The following LMTK2 variants were observed in gnomAD, a reference collection of about 807,000 sequenced individuals.
LMTK2 encodes the protein serine/threonine-protein kinase LMTK2.
In LMTK2, 37 loss-of-function variants were observed where a neutral mutation model predicts 127.5. The observed-to-expected ratio is 0.29, with a 90% CI of 0.22 to 0.38. LMTK2 has a LOEUF of 0.38. Among genes scored for constraint, LMTK2 ranks in the 10% least tolerant of loss-of-function variants. The probability of loss-of-function intolerance (pLI) is 1.00; values close to 1 mark genes in which losing one functional copy is unlikely to be tolerated. For synonymous variants in LMTK2, 819 were observed against 810.1 expected, an observed-to-expected ratio of 1.01 and a Z score of -0.19; for missense variants, 1,694 against 1,920.3, an observed-to-expected ratio of 0.88 and a Z score of 2.20.
chr7:98,199,114 G>C (rs182233804), intron 11 of LMTK2, among the ~76,000 whole-genome samples: 28 of 152,226 alleles, frequency 1.8e-4, no homozygotes, highest in African/African-American at 6.0e-4. Context: ...AATTTGTTAA[G>C]GTTTATCTTA....
At position 98,205,601 on chromosome 7, in the gene LMTK2, G is replaced by A. The variant is rs149900508; in HGVS notation, c.*109G>A. On this transcript the variant is annotated 3_prime_UTR_variant, in exon 14 of 14. Transcript: ENST00000297293. Reference sequence around the variant, plus strand: ...ACTCGCCATTTGCTGACATGAGATTGGGAGGAAGAATCCAGAGGTGAAGAG... The same window carrying A: ...ACTCGCCATTTGCTGACATGAGATTAGGAGGAAGAATCCAGAGGTGAAGAG... 66 of 1,209,740 alleles carry A rather than the reference G, an allele frequency of 5.5e-5. No homozygotes were observed. The African/African-American group carries it at 8.5e-4, about 16-fold the overall frequency. 74.9% of individuals were successfully genotyped at this position (1,209,740 alleles called of 1,614,324 possible).
At chr7:98,164,218 G>A (rs1252853326) in intron 6 of LMTK2, among the ~76,000 whole-genome samples, 1 of 151,982 alleles carries the variant, frequency 6.6e-6, no homozygotes, top group Non-Finnish European at 1.5e-5. Flanking sequence ...ACTGTAGGGT[G>A]TTTTATAGAA....
intron 6 of LMTK2, among the ~76,000 whole-genome samples, chr7:98,170,523 C>T (rs1797166201): frequency 6.6e-6 from 1 of 151,714 alleles, no homozygotes; most frequent in Non-Finnish European, 1.5e-5. Context: ...AAATGCCCTT[C>T]CTCAGGAGTC....
intron 1 of LMTK2, among the ~76,000 whole-genome samples, chr7:98,133,011 A>C (rs886303011): frequency 3.9e-5 from 6 of 152,210 alleles, no homozygotes; most frequent in African/African-American, 1.4e-4. Flanking sequence ...TACCTCTTAG[A>C]GTTTCTCAAG....
chr7:98,147,896 A>G (rs982684148), intron 3 of LMTK2, among the ~76,000 whole-genome samples: 17 of 152,144 alleles, frequency 1.1e-4, no homozygotes, highest in African/African-American at 4.1e-4. Flanking sequence ...TAGCTCTCTG[A>G]ACATATTCAT....
intron 6 of LMTK2, among the ~76,000 whole-genome samples, chr7:98,165,027 A>G (rs901157075): frequency 1.3e-5 from 2 of 152,188 alleles, no homozygotes; most frequent in African/African-American, 4.8e-5. Context: ...GGCAGTTCGC[A>G]GTGGAGAAGG....
rs61734166 is a variant in LMTK2 at position 98,191,950 on chromosome 7, C to A, written c.1485C>A (p.Asp495Glu). 6.2e-7 allele frequency: 1 copy of A among 1,614,022 alleles called. No homozygotes were observed. The highest frequency in any genetic ancestry group is 8.5e-7 in the Non-Finnish European group (1 of 1,180,016). Residue 495 changes from aspartate (D) to glutamate (E), a missense_variant, in exon 11 of 14, where the codon GAC becomes GAA. This residue lies in a region of LMTK2 where 216 missense variants were observed against 266.8 expected (regional missense o/e 0.81). Transcript: ENST00000297293. ...ACGAGCGCAGCCGGGGCCACCTGGA[C>A]GAAGGCTTGTCCTACACGAGCATCT... ...HFDERSRGHL[D>E]EGLSYTSIFY...
At chr7:98,154,559 G>A (rs1025101710) in intron 4 of LMTK2, among the ~76,000 whole-genome samples, 199 bp from the exon 5 acceptor site, 2 of 152,164 alleles carry the variant, frequency 1.3e-5, no homozygotes, top group Non-Finnish European at 2.9e-5. Context: ...TAACTATCTG[G>A]TGAATGGTTT....
rs200725037 is a variant in LMTK2, at chr7:98,133,510, G to GT, written c.104-3796dup. 7.3e-4 allele frequency among the ~76,000 whole-genome samples: 110 copies of GT among 150,546 alleles called. No individual in the cohort carries two copies. The East Asian group carries it at 7.8e-3, about 11-fold the overall frequency. ...TTTTTTTTTTTCATTGCTAAATAGA[G>GT]TTTTTTTTTATAGCACAGTGCTTTT... On this transcript the variant is annotated intron_variant, in intron 1 of 13. Transcript: ENST00000297293.
intron 5 of LMTK2, among the ~76,000 whole-genome samples, chr7:98,156,202 C>T (rs1163393942): frequency 1.3e-5 from 2 of 152,196 alleles, no homozygotes; most frequent in Non-Finnish European, 2.9e-5. Context: ...CGCAGTGGCT[C>T]ACGCCTGTAA....
At position 98,106,994 on chromosome 7, in the gene LMTK2, C is replaced by A. The variant is rs1796115237; in HGVS notation, c.-184C>A. ...GCGGGCGGGAAGGATGGTGTTTCTGCGACTGGAGCGGCAGGTGCGGACCGG... is the reference window on the plus strand; with the variant it reads ...GCGGGCGGGAAGGATGGTGTTTCTGAGACTGGAGCGGCAGGTGCGGACCGG... On this transcript the variant is annotated 5_prime_UTR_variant, in exon 1 of 14. Coordinates refer to ENST00000297293, the MANE Select transcript of LMTK2 (RefSeq NM_014916.4). 6.4e-6 allele frequency: 3 copies of A among 469,418 alleles called. No individual in the cohort carries two copies. The highest frequency in any genetic ancestry group is 1.1e-5 in the Non-Finnish European group (3 of 266,988). 29.1% of individuals were successfully genotyped at this position (469,418 alleles called of 1,614,324 possible).
At chr7:98,122,389 C>T (rs1796376079) in intron 1 of LMTK2, among the ~76,000 whole-genome samples, 1 of 152,042 alleles carries the variant, frequency 6.6e-6, no homozygotes, top group Non-Finnish European at 1.5e-5. Context: ...TTTAGGAATC[C>T]GCAACTGCTG....
At chr7:98,143,244 AAT>A (rs1277779380) in intron 3 of LMTK2, among the ~76,000 whole-genome samples, 1 of 152,214 alleles carries the variant, frequency 6.6e-6, no homozygotes, top group Non-Finnish European at 1.5e-5. Context: ...CTCTGAGTAG[AAT>A]ACCCTCAGAA....
At chr7:98,155,834 G>T (rs1796918835) in intron 5 of LMTK2, among the ~76,000 whole-genome samples, 1 of 152,048 alleles carries the variant, frequency 6.6e-6, no homozygotes. Context: ...CATCAGAAAA[G>T]AACAAAAATA....
In LMTK2 at chr7:98,107,191, C is replaced by A; in HGVS notation, c.14C>A (p.Pro5Gln). 6.9e-7 allele frequency: 1 copy of A among 1,451,252 alleles called. No individual in the cohort carries two copies. Among genetic ancestry groups the A allele is most frequent in the Non-Finnish European group, 9.0e-7 (1 of 1,110,046 alleles). The allele number at this position is 1,451,252 out of a possible 1,614,324, so 89.9% of individuals were successfully genotyped here. The change falls in exon 1 of 14, where the codon CCG becomes CAG. Residue 5 changes from proline (P) to glutamine (Q), a missense_variant. Transcript: ENST00000297293. ...GCCGTGGGCGAGATGCCGGGGCCGC[C>A]GGCGTTGCGGCGGAGGCTGCTGCTG... MPGP[P>Q]ALRRRLLLLL...
intron 7 of LMTK2, among the ~76,000 whole-genome samples, chr7:98,181,199 C>T (rs1797351337): frequency 6.6e-6 from 1 of 152,202 alleles, no homozygotes; most frequent in African/African-American, 2.4e-5. Context: ...GTTTGGAGAA[C>T]TCTATTGTAC....
Position 98,159,405 on chromosome 7 carries a change from G to A in LMTK2, c.637G>A (p.Val213Met), listed in dbSNP as rs1376181589. 1 of 1,610,186 alleles carries A rather than the reference G, an allele frequency of 6.2e-7. No homozygotes were observed. Among genetic ancestry groups the A allele is most frequent in the Admixed American group, 1.7e-5 (1 of 59,620 alleles). Reference protein sequence around the residue: ...QCVEAIPYLLVFEFCDLGDLK... With the variant: ...QCVEAIPYLLMFEFCDLGDLK... ...CGTAGAAGCGATTCCCTACCTCCTGGTGTTTGAGTTCTGTGACTTGGTAAG... is the reference window on the plus strand; with the variant it reads ...CGTAGAAGCGATTCCCTACCTCCTGATGTTTGAGTTCTGTGACTTGGTAAG... Residue 213 changes from valine to methionine, a missense_variant, in exon 6 of 14, where the codon GTG becomes ATG. Val to Met is a conservative substitution (Grantham distance 21). Transcript: ENST00000297293.
At chr7:98,138,155 TATAAAG>T (rs1796621643) in intron 2 of LMTK2, among the ~76,000 whole-genome samples, 1 of 152,136 alleles carries the variant, frequency 6.6e-6, no homozygotes, top group African/African-American at 2.4e-5. Flanking sequence ...AAATACTTGT[TATAAAG>T]GAATACATGG....
intron 1 of LMTK2, among the ~76,000 whole-genome samples, chr7:98,136,215 G>A (rs955098921): frequency 7.9e-5 from 12 of 152,130 alleles, no homozygotes; most frequent in African/African-American, 2.9e-4. Context: ...ATTACAGCCC[G>A]GAGAATAAAT....
Sources: allele counts gnomAD v4.1 joint callset (sites outside exome capture counted in the v4.1 genomes callset), GRCh38; gene constraint gnomAD v4.1.1; regional missense constraint gnomAD v4.1.1; transcripts MANE v1.5; gene names NCBI Gene and HGNC (gene_info 2026-07-23, HGNC 2026-07-21).